CSMD3: variants seen among roughly 807,000 people sequenced by gnomAD.
The protein encoded by CSMD3 is CUB and Sushi multiple domains 3.
A neutral mutation model predicts 435.2 loss-of-function variants in CSMD3; 177 were observed. That is an observed-to-expected ratio of 0.41 (90% confidence interval 0.36 to 0.46). The LOEUF (loss-of-function observed/expected upper bound fraction) is 0.46, where lower values mean the gene tolerates loss of function less well. Ranked by LOEUF, CSMD3 falls within the 20% of genes least tolerant of loss-of-function variation. The pLI, the probability that CSMD3 is intolerant of heterozygous loss-of-function variation, is 0.34. For missense variants in CSMD3, 4,265 were observed against 4,504.6 expected, an observed-to-expected ratio of 0.95 and a Z score of 1.52; for synonymous variants, 1,656 against 1,520.5, an observed-to-expected ratio of 1.09 and a Z score of -2.07.
chr8:112,880,269 T>C (rs956621578), intron 10 of CSMD3, among the ~76,000 whole-genome samples: 7 of 152,068 alleles, frequency 4.6e-5, no homozygotes, highest in African/African-American at 1.7e-4. Context: ...TTTTTGGAGA[T>C]AGTTATTCAA....
chr8:113,425,751 A>G (rs1032988968), intron 1 of CSMD3, among the ~76,000 whole-genome samples: 2 of 151,570 alleles, frequency 1.3e-5, no homozygotes, highest in Non-Finnish European at 3.0e-5. Context: ...AGGCTGTAAA[A>G]AGAGCGTTGA....
At chr8:112,440,512 G>A (rs1019725113) in intron 32 of CSMD3, among the ~76,000 whole-genome samples, 18 of 152,186 alleles carry the variant, frequency 1.2e-4, no homozygotes, top group African/African-American at 3.9e-4. Context: ...GCTCCACTAG[G>A]TAGTGCCCCA....
At chr8:112,662,665 T>C (rs1031738934) in intron 17 of CSMD3, among the ~76,000 whole-genome samples, 12 of 152,036 alleles carry the variant, frequency 7.9e-5, no homozygotes, top group African/African-American at 2.9e-4. Flanking sequence ...AAGCCAAAAC[T>C]GACAAATGGG....
chr8:113,181,627 C>T (rs571045883), intron 3 of CSMD3, among the ~76,000 whole-genome samples: 2 of 152,080 alleles, frequency 1.3e-5, no homozygotes, highest in African/African-American at 4.8e-5. Context: ...AACTCTATAA[C>T]CACCATTGTG....
At chr8:112,755,371 A>AATAATG (rs1380309926) in intron 13 of CSMD3, among the ~76,000 whole-genome samples, 3 of 149,256 alleles carry the variant, frequency 2.0e-5, no homozygotes, top group Non-Finnish European at 4.5e-5. Context: ...TAATAATAAT[A>AATAATG]ATGAGGGCGA....
chr8:112,576,821 C>A (rs545764356), intron 23 of CSMD3, among the ~76,000 whole-genome samples: 2 of 149,700 alleles, frequency 1.3e-5, no homozygotes, highest in East Asian at 3.9e-4. Flanking sequence ...TGAGCCACTG[C>A]ACCAGGCAGC....
intron 38 of CSMD3, among the ~76,000 whole-genome samples, chr8:112,378,076 T>C (rs1829119217): frequency 1.3e-5 from 2 of 152,070 alleles, no homozygotes; most frequent in African/African-American, 2.4e-5. Flanking sequence ...CTGCAGATGA[T>C]AAGATCCTAA....
chr8:112,590,886 A>G (rs1778291062), intron 22 of CSMD3, among the ~76,000 whole-genome samples: 1 of 152,056 alleles, frequency 6.6e-6, no homozygotes, highest in Non-Finnish European at 1.5e-5. Context: ...GTTCTTGATA[A>G]CTGATGCTAC....
At chr8:113,308,120 A>G (rs906482134) in intron 2 of CSMD3, among the ~76,000 whole-genome samples, 1 of 152,028 alleles carries the variant, frequency 6.6e-6, no homozygotes, top group Non-Finnish European at 1.5e-5. Context: ...TATTCTCAAC[A>G]TATTACAAAA....
chr8:112,437,109 A>T (rs901850450), intron 32 of CSMD3, among the ~76,000 whole-genome samples: 2 of 152,178 alleles, frequency 1.3e-5, no homozygotes, highest in East Asian at 3.9e-4. Context: ...TTTAGTGCCT[A>T]AACCAAAAGG....
chr8:113,200,840 A>G lies in CSMD3; in HGVS notation c.515-26924T>C, dbSNP rs2092709186. ...TACTGAACAGGATATTTGCTTCTTT[A>G]TTATTTATGAAGAACAAAAATTTCT... is the stretch of plus-strand genomic sequence containing the variant. On this transcript the variant is annotated intron_variant, in intron 3 of 70. Transcript: ENST00000297405. Among the ~76,000 whole-genome samples the G allele has an allele frequency of 4.6e-5, 7 of 151,546 alleles. No individual in the cohort carries two copies. In the South Asian group the frequency reaches 1.5e-3, roughly 31 times the overall value.
At chr8:113,384,419 C>G (rs2094430947) in intron 1 of CSMD3, among the ~76,000 whole-genome samples, 1 of 152,098 alleles carries the variant, frequency 6.6e-6, no homozygotes, top group Non-Finnish European at 1.5e-5. Flanking sequence ...AAAAAACATA[C>G]TAAGTGTTTC....
chr8:112,723,397 T>C (rs1048851701), intron 13 of CSMD3, among the ~76,000 whole-genome samples: 3 of 152,166 alleles, frequency 2.0e-5, no homozygotes, highest in African/African-American at 7.2e-5. Flanking sequence ...CCAGTTCTTG[T>C]GGTGAGTATA....
Position 113,018,918 on chromosome 8 carries a change from CATT to C in CSMD3, c.1030+146_1030+148del, listed in dbSNP as rs1454747637. On this transcript the variant is annotated intron_variant, in intron 6 of 70. Transcript: ENST00000297405. ...TAATACTGTAATTTAGTTATGATCA[CATT>C]ATTGTCTCAGCAACAGCATGACCAT... The C allele has an allele frequency of 1.0e-5, 7 of 673,774 alleles. No homozygotes were observed. The East Asian group carries it at 1.1e-4, about 10-fold the overall frequency. The allele number at this position is 673,774 out of a possible 1,614,324, so 41.7% of individuals were successfully genotyped here.
At chr8:112,292,786 AT>A in intron 54 of CSMD3, 76 bp from the exon 55 acceptor site, 1 of 1,244,124 alleles carries the variant, frequency 8.0e-7, no homozygotes, top group Non-Finnish European at 1.2e-6. Flanking sequence ...TGCATTATTG[AT>A]TATACTTAAT....
chr8:112,656,174 C>A lies in CSMD3; in HGVS notation c.2984G>T (p.Gly995Val), dbSNP rs2075252740. The A allele has an allele frequency of 6.4e-7, 1 of 1,563,276 alleles. No homozygotes were observed. Among genetic ancestry groups the A allele is most frequent in the South Asian group, 1.1e-5 (1 of 89,572 alleles). ...CTTACTTTCATAATGAATCTTGAAA[C>A]CATTATTGGAACGACTGTTGTCTGT... The part of the protein sequence containing the change: ...FTTDNSRSNN[G>V]FKIHYESVTV... The change falls in exon 18 of 71, where the codon GGT (glycine) becomes GTT (valine). Residue 995 changes from glycine (G) to valine (V), a missense_variant. By Grantham distance (109) the Gly-to-Val change is moderately radical. Coordinates refer to ENST00000297405, the MANE Select transcript of CSMD3 (RefSeq NM_198123.2).
chr8:112,671,996 T>A (rs963796658), intron 16 of CSMD3, among the ~76,000 whole-genome samples: 1 of 151,998 alleles, frequency 6.6e-6, no homozygotes, highest in African/African-American at 2.4e-5. Context: ...GCTGCTGAAA[T>A]TGAAAAAAAA....
chr8:113,044,059 T>A (rs2087731228), intron 5 of CSMD3, among the ~76,000 whole-genome samples: 1 of 152,032 alleles, frequency 6.6e-6, no homozygotes, highest in South Asian at 2.1e-4. Context: ...ATAAAATTTG[T>A]CCAGTGTTAT....
At chr8:112,230,547 G>A (rs1812990202) in intron 69 of CSMD3, among the ~76,000 whole-genome samples, 1 of 152,086 alleles carries the variant, frequency 6.6e-6, no homozygotes, top group Admixed American at 6.5e-5. Context: ...CCAGCACTTG[G>A]GGAGGCCAAG....
Sources: gnomAD v4.1 joint callset for allele counts (sites outside exome capture counted in the v4.1 genomes callset) on GRCh38, gnomAD v4.1.1 for gene constraint, MANE v1.5 for transcripts, NCBI Gene and HGNC (gene_info 2026-07-23, HGNC 2026-07-21) for gene names.